STAG1: variants seen among roughly 807,000 people sequenced by gnomAD.
The protein encoded by STAG1 is STAG1 cohesin complex component.
Under a neutral mutation model 170.9 loss-of-function variants are expected in STAG1, and 26 were observed. That is an observed-to-expected ratio of 0.15 (90% CI 0.11 to 0.21). The LOEUF is 0.21. STAG1 is among the 10% of genes least tolerant of loss of function. STAG1 has a pLI of 1.00. For synonymous variants in STAG1, 514 were observed against 497.7 expected (o/e 1.03, Z -0.44); for missense variants, 964 against 1,509.5 (o/e 0.64, Z 5.99).
intron 1 of STAG1, among the ~76,000 whole-genome samples, chr3:136,713,430 A>G (rs926764689): frequency 1.3e-5 from 2 of 151,978 alleles, no homozygotes; most frequent in Non-Finnish European, 2.9e-5. Flanking sequence ...TAAAAATGCA[A>G]CAATTAGCCG....
intron 12 of STAG1, among the ~76,000 whole-genome samples, chr3:136,466,675 A>G (rs919744417): frequency 6.6e-6 from 1 of 152,120 alleles, no homozygotes; most frequent in Admixed American, 6.5e-5. Flanking sequence ...ACTCCTCGAG[A>G]AGAGCAACTC....
At chr3:136,738,676 T>C (rs1934486009) in intron 1 of STAG1, among the ~76,000 whole-genome samples, 1 of 152,226 alleles carries the variant, frequency 6.6e-6, no homozygotes, top group Non-Finnish European at 1.5e-5. Flanking sequence ...AAAAAAAGTA[T>C]ACAAATTTTC....
At chr3:136,576,476 A>G (rs1937458627) in intron 4 of STAG1, among the ~76,000 whole-genome samples, 1 of 152,194 alleles carries the variant, frequency 6.6e-6, no homozygotes, top group Admixed American at 6.6e-5. Flanking sequence ...TTACATTCAT[A>G]TGACAAAAAA....
intron 22 of STAG1, among the ~76,000 whole-genome samples, chr3:136,391,764 A>G (rs2087017081): frequency 6.6e-6 from 1 of 152,208 alleles, no homozygotes; most frequent in African/African-American, 2.4e-5. Context: ...GTTTTCTGCT[A>G]CAAAGAAAAA....
intron 29 of STAG1, among the ~76,000 whole-genome samples, chr3:136,347,099 AAAG>A (rs561968716): frequency 1.5e-3 from 232 of 150,868 alleles, no homozygotes; most frequent in African/African-American, 5.3e-3. Context: ...AAAAAAAAGA[AAAG>A]AAAAACAAAA....
intron 16 of STAG1, among the ~76,000 whole-genome samples, chr3:136,431,959 T>C (rs2088316192): frequency 1.3e-5 from 2 of 152,222 alleles, no homozygotes; most frequent in African/African-American, 4.8e-5. Context: ...TCATCAAATT[T>C]GGGAGGTTTT....
chr3:136,426,556 T>C (rs2088130711), intron 16 of STAG1, among the ~76,000 whole-genome samples: 2 of 152,204 alleles, frequency 1.3e-5, no homozygotes, highest in Non-Finnish European at 2.9e-5. Context: ...TATGAATCTA[T>C]TGTAAGAACT....
At chr3:136,649,503 C>CAAAAAAAAAAAAAAAAAAAAGAAAAA (rs761067087) in intron 1 of STAG1, among the ~76,000 whole-genome samples, 5 of 70,860 alleles carry the variant, frequency 7.1e-5, no homozygotes, top group African/African-American at 1.4e-4. Flanking sequence ...AAAACAGAAA[C>CAAAAAAAAAAAAAAAAAAAAGAAAAA]AAAAAAAAAA....
intron 1 of STAG1, among the ~76,000 whole-genome samples, chr3:136,681,278 A>G (rs1942325042): frequency 6.6e-6 from 1 of 152,228 alleles, no homozygotes; most frequent in Non-Finnish European, 1.5e-5. Flanking sequence ...TACATTTCAG[A>G]AAGCTACAAA....
chr3:136,525,197 G>A (rs1029761321), intron 6 of STAG1, among the ~76,000 whole-genome samples: 6 of 152,066 alleles, frequency 3.9e-5, no homozygotes, highest in South Asian at 2.1e-4. Flanking sequence ...TACCTCTGGT[G>A]GAATTTGGCT....
At chr3:136,484,350 G>A (rs895258450) in intron 9 of STAG1, among the ~76,000 whole-genome samples, 2 of 148,038 alleles carry the variant, frequency 1.4e-5, no homozygotes, top group Admixed American at 6.8e-5. Context: ...TGAGGTGTCA[G>A]TGTGCCCCTG....
chr3:136,467,351 T>C (rs1315519963), intron 12 of STAG1, among the ~76,000 whole-genome samples: 1 of 151,450 alleles, frequency 6.6e-6, no homozygotes. Context: ...AAGGCAGGGG[T>C]TGCAATCCTA....
intron 6 of STAG1, among the ~76,000 whole-genome samples, chr3:136,522,273 T>A: frequency 6.6e-6 from 1 of 152,196 alleles, no homozygotes; most frequent in South Asian, 2.1e-4. Context: ...AGAGAACTAG[T>A]GTGATATACA....
At chr3:136,520,356 G>C (rs1934613583) in intron 7 of STAG1, among the ~76,000 whole-genome samples, 1 of 152,090 alleles carries the variant, frequency 6.6e-6, no homozygotes, top group South Asian at 2.1e-4. Context: ...TGTAACTAAT[G>C]AGTCTAAATC....
At chr3:136,455,954 G>A (rs1559812124) in intron 13 of STAG1, among the ~76,000 whole-genome samples, 1 of 152,120 alleles carries the variant, frequency 6.6e-6, no homozygotes, top group African/African-American at 2.4e-5. Flanking sequence ...CTGGAATACT[G>A]TTTAAATTCC....
Position 136,406,176 on chromosome 3 carries a change from A to G in STAG1, c.2197-7347T>C, listed in dbSNP as rs140571307. ...TAGCCGGATGGATAAAGCAAACTGA[A>G]GTATCCACACAGTGGAATATTACTC... On this transcript the variant is annotated intron_variant, in intron 21 of 33. Coordinates refer to ENST00000383202, the MANE Select transcript of STAG1 (RefSeq NM_005862.3). Among the ~76,000 whole-genome samples, 5 of 152,326 alleles carry G rather than the reference A, an allele frequency of 3.3e-5. No homozygotes were observed. In the East Asian group the frequency reaches 9.6e-4, roughly 29 times the overall value.
chr3:136,461,975 C>T (rs1038540704), intron 13 of STAG1, among the ~76,000 whole-genome samples: 3 of 151,928 alleles, frequency 2.0e-5, no homozygotes, highest in Admixed American at 6.6e-5. Flanking sequence ...AAAGAAAGTG[C>T]AAATAAGAAA....
Position 136,430,812 on chromosome 3 carries a change from C to G in STAG1, c.1650+2744G>C, listed in dbSNP as rs1240527451. On this transcript the variant is annotated intron_variant, in intron 16 of 33. Coordinates refer to ENST00000383202, the MANE Select transcript of STAG1 (RefSeq NM_005862.3). ...AAGGAAACAGACATAGACAGACACA[C>G]ACACACACACACACACACACACACA... is the stretch of plus-strand genomic sequence containing the variant. 4.3e-3 allele frequency among the ~76,000 whole-genome samples: 394 copies of G among 91,186 alleles called. 2 individuals are homozygous for G. Among genetic ancestry groups the G allele is most frequent in the African/African-American group, 0.015 (370 of 24,820 alleles). 59.8% of individuals were successfully genotyped at this position (91,186 alleles called of 152,430 possible). A position where few individuals can be genotyped will look rare whatever the true frequency, so the allele number is the denominator to read the frequency against.
intron 7 of STAG1, among the ~76,000 whole-genome samples, chr3:136,505,034 A>C (rs1484191781): frequency 1.3e-5 from 2 of 152,238 alleles, no homozygotes; most frequent in African/African-American, 4.8e-5. Flanking sequence ...ACTTCATTGA[A>C]TAACACATAA....
Sources: allele counts gnomAD v4.1 joint callset (sites outside exome capture counted in the v4.1 genomes callset), GRCh38; gene constraint gnomAD v4.1.1; transcripts MANE v1.5; gene names NCBI Gene and HGNC (gene_info 2026-07-23, HGNC 2026-07-21).